The following TPGS2 variants were observed in gnomAD, a reference collection of about 807,000 sequenced individuals.
The protein encoded by TPGS2 is tubulin polyglutamylase complex subunit 2.
TPGS2 carries 26 observed loss-of-function variants against 31.1 expected under a neutral mutation model. That is an observed-to-expected ratio of 0.84 (90% confidence interval 0.61 to 1.16). TPGS2 has a LOEUF of 1.16. Among genes scored for constraint, TPGS2 ranks in the 50% most tolerant of loss-of-function variants. The pLI is 0.00. For missense variants in TPGS2, 351 were observed against 363.8 expected, an observed-to-expected ratio of 0.96 and a Z score of 0.29; for synonymous variants, 130 against 136.6, an observed-to-expected ratio of 0.95 and a Z score of 0.34.
chr18:36,794,999 A>G lies in TPGS2; in HGVS notation c.*1806T>C, dbSNP rs1005694363. ...AATACGAAGCTCAGTTTATGCTCCC[A>G]AAGACTCTTAAGCGCTGATATTTCA... On this transcript the variant is annotated 3_prime_UTR_variant, in exon 7 of 7. Transcript: ENST00000334295. 3.0e-6 allele frequency: 3 copies of G among 985,264 alleles called. No individual in the cohort carries two copies. The highest frequency in any genetic ancestry group is 3.5e-5 in the African/African-American group (2 of 57,216). 61.0% of individuals were successfully genotyped at this position (985,264 alleles called of 1,614,324 possible).
rs368837189 is a variant in TPGS2, at chr18:36,805,517, G to A, written c.254-15C>T. 4.2e-5 allele frequency: 67 copies of A among 1,613,674 alleles called. No individual in the cohort carries two copies. Among genetic ancestry groups the A allele is most frequent in the African/African-American group, 4.0e-4 (30 of 74,914 alleles). On this transcript the variant is annotated splice_polypyrimidine_tract_variant and intron_variant, in intron 3 of 6. Transcript: ENST00000334295. ...AATGATGTGCTCTAGGGGAACATGC[G>A]TTAAGGAGAATTACATGGAGTAACA...
intron 3 of TPGS2, among the ~76,000 whole-genome samples, chr18:36,806,850 TAAAAAAAAAAAAAA>T (rs397962723): frequency 2.9e-4 from 11 of 37,334 alleles, no homozygotes; most frequent in South Asian, 1.3e-3. Context: ...GACTCCATCT[TAAAAAAAAAAAAAA>T]AAAAAAAAAA....
Position 36,794,131 on chromosome 18 carries a change from G to T in TPGS2, c.*2674C>A. 1 of 316,462 alleles carries T rather than the reference G, an allele frequency of 3.2e-6. No individual in the cohort carries two copies. The highest frequency in any genetic ancestry group is 4.6e-6 in the Non-Finnish European group (1 of 218,312). The allele number at this position is 316,462 out of a possible 1,614,324, so 19.6% of individuals were successfully genotyped here. ...TAGGAATTTAACATTTAAGTTTTTA[G>T]TTAGAACAGCATTAAGTAGCAAATA... On this transcript the variant is annotated 3_prime_UTR_variant, in exon 7 of 7. Coordinates refer to ENST00000334295, the MANE Select transcript of TPGS2 (RefSeq NM_015476.4).
downstream of TPGS2, chr18:36,781,961 TC>T (rs2044027703): frequency 1.0e-6 from 1 of 980,674 alleles, no homozygotes; most frequent in Non-Finnish European, 1.2e-6. Flanking sequence ...ATAGTCATTT[TC>T]CATATGCTTC....
chr18:36,780,027 C>A, downstream of TPGS2: 1 of 722,344 alleles, frequency 1.4e-6, no homozygotes. Context: ...CACCATGTTT[C>A]AAATACTAAA....
chr18:36,820,853 A>G (rs2045862974), intron 1 of TPGS2: 1 of 152,242 alleles, frequency 6.6e-6, no homozygotes, highest in South Asian at 2.1e-4. Context: ...ATGAGAAGCA[A>G]TATCTGAATA....
downstream of TPGS2, among the ~76,000 whole-genome samples, chr18:36,793,885 C>T (rs1012875095): frequency 6.6e-6 from 1 of 151,896 alleles, no homozygotes; most frequent in African/African-American, 2.4e-5. Flanking sequence ...CTACAGGCGC[C>T]CGCCACCACG....
At chr18:36,825,327 G>A (rs1383550503) in intron 1 of TPGS2, among the ~76,000 whole-genome samples, 2 of 151,612 alleles carry the variant, frequency 1.3e-5, no homozygotes, top group Non-Finnish European at 2.9e-5. Context: ...AGCTGCCCGG[G>A]AGGATGAGGC....
Position 36,796,208 on chromosome 18 carries a change from T to A in TPGS2, c.*597A>T. ...CATTATGACCCATCCAATGAAGACA[T>A]CAACATTAACAACAAAAATTAATTG... is the stretch of plus-strand genomic sequence containing the variant. On this transcript the variant is annotated 3_prime_UTR_variant, in exon 7 of 7. Coordinates refer to ENST00000334295, the MANE Select transcript of TPGS2 (RefSeq NM_015476.4). 8.1e-6 allele frequency: 8 copies of A among 985,372 alleles called. No individual in the cohort carries two copies. Among genetic ancestry groups the A allele is most frequent in the Non-Finnish European group, 9.6e-6 (8 of 829,926 alleles). The allele number at this position is 985,372 out of a possible 1,614,324, so 61.0% of individuals were successfully genotyped here.
chr18:36,795,994 G>A lies in TPGS2; in HGVS notation c.*811C>T, dbSNP rs925425359. ...AGCAGAAGTACACCTTCTTTAAAAA[G>A]TTAATAAGGAAGATAATTGTGGAAC... On this transcript the variant is annotated 3_prime_UTR_variant, in exon 7 of 7. Transcript: ENST00000334295. 5 of 985,320 alleles carry A rather than the reference G, an allele frequency of 5.1e-6. No individual in the cohort carries two copies. Among genetic ancestry groups the A allele is most frequent in the Middle Eastern group, 5.2e-4 (1 of 1,936 alleles). 61.0% of individuals were successfully genotyped at this position (985,320 alleles called of 1,614,324 possible). A position where few individuals can be genotyped will look rare whatever the true frequency, so the allele number is the denominator to read the frequency against.
downstream of TPGS2, among the ~76,000 whole-genome samples, chr18:36,790,606 C>T (rs1240866260): frequency 6.6e-5 from 10 of 152,088 alleles, no homozygotes; most frequent in Non-Finnish European, 1.3e-4. Context: ...GTTTGGATGC[C>T]AAGACATTGG....
At chr18:36,781,882 A>C, downstream of TPGS2, 2 of 985,450 alleles carry the variant, frequency 2.0e-6, no homozygotes, top group Non-Finnish European at 2.4e-6. Flanking sequence ...GGAACTTGCG[A>C]GAGTTGGGTC....
intron 2 of TPGS2, among the ~76,000 whole-genome samples, chr18:36,818,115 C>A (rs746997097): frequency 1.2e-4 from 18 of 152,184 alleles, no homozygotes; most frequent in Non-Finnish European, 2.2e-4. Flanking sequence ...ACAATGTAAT[C>A]CTTCCCATCT....
intron 2 of TPGS2, among the ~76,000 whole-genome samples, chr18:36,811,487 C>T (rs1472107665): frequency 6.6e-6 from 1 of 152,176 alleles, no homozygotes; most frequent in Non-Finnish European, 1.5e-5. Context: ...TGTCTAGAGG[C>T]ACCACAAGTC....
In TPGS2 at chr18:36,795,550, G is replaced by C; in HGVS notation, c.*1255C>G. 1.0e-6 allele frequency: 1 copy of C among 985,448 alleles called. No homozygotes were observed. The allele number at this position is 985,448 out of a possible 1,614,324, so 61.0% of individuals were successfully genotyped here. ...AGGCCTTGCTTCTGCCCACAGCCAG[G>C]ACTGTAGAGGGAGGAAATAAATAGG... On this transcript the variant is annotated 3_prime_UTR_variant, in exon 7 of 7. Transcript: ENST00000334295.
At chr18:36,813,258 A>G (rs2045509152) in intron 2 of TPGS2, among the ~76,000 whole-genome samples, 2 of 152,326 alleles carry the variant, frequency 1.3e-5, no homozygotes, top group East Asian at 3.9e-4. Context: ...AAAGATCAAG[A>G]GAGTTCTGCT....
At chr18:36,823,457 C>CTTTTTTTTTT (rs1193182256) in intron 1 of TPGS2, among the ~76,000 whole-genome samples, 6 of 107,084 alleles carry the variant, frequency 5.6e-5, no homozygotes, top group Non-Finnish European at 9.1e-5. Flanking sequence ...TTGTTAACAG[C>CTTTTTTTTTT]TTGTTTTTTT....
intron 4 of TPGS2, 79 bp downstream of exon 4, chr18:36,805,295 G>C: frequency 6.6e-7 from 1 of 1,506,196 alleles, no homozygotes; most frequent in Non-Finnish European, 9.1e-7. Flanking sequence ...CATGCACCAA[G>C]ATTCATTAAG....
downstream of TPGS2, among the ~76,000 whole-genome samples, chr18:36,792,195 G>A (rs1056671947): frequency 6.6e-6 from 1 of 152,146 alleles, no homozygotes; most frequent in Non-Finnish European, 1.5e-5. Context: ...CTATTGGACA[G>A]AAAAAAGTTA....
Sources: gnomAD v4.1 joint callset for allele counts (sites outside exome capture counted in the v4.1 genomes callset) on GRCh38, gnomAD v4.1.1 for gene constraint, MANE v1.5 for transcripts, NCBI Gene and HGNC (gene_info 2026-07-23, HGNC 2026-07-21) for gene names.